The following EXO1 variants were observed in gnomAD, a reference collection of about 807,000 sequenced individuals.
EXO1 encodes the protein exonuclease 1.
Under a neutral mutation model 84.5 loss-of-function variants are expected in EXO1, and 69 were observed. The observed-to-expected ratio is 0.82, with a 90% CI of 0.67 to 1.00. The LOEUF is 1.00. EXO1 is among the 50% of genes least tolerant of loss of function. EXO1 has a pLI of 0.00. For synonymous variants in EXO1, 373 were observed against 366.1 expected, an observed-to-expected ratio of 1.02 and a Z score of -0.21; for missense variants, 1,045 against 1,000.7, an observed-to-expected ratio of 1.04 and a Z score of -0.60.
chr1:241,860,871 T>G (rs1340167694), intron 9 of EXO1, among the ~76,000 whole-genome samples, 167 bp downstream of exon 9: 1 of 152,206 alleles, frequency 6.6e-6, no homozygotes, highest in Non-Finnish European at 1.5e-5. Context: ...TAGTGAAAAT[T>G]GAGAACAACT....
chr1:241,883,380 G>A (rs1213778048), intron 14 of EXO1, among the ~76,000 whole-genome samples: 3 of 152,176 alleles, frequency 2.0e-5, no homozygotes, highest in Admixed American at 1.3e-4. Context: ...TTCCTGGTTT[G>A]CAGACAGATG....
At chr1:241,870,532 G>C (rs914462603) in intron 11 of EXO1, among the ~76,000 whole-genome samples, 2 of 152,194 alleles carry the variant, frequency 1.3e-5, no homozygotes, top group African/African-American at 4.8e-5. Context: ...TTTCAGTCCT[G>C]TGCTTTTATT....
chr1:241,855,207 G>C (rs1219405571), intron 6 of EXO1, among the ~76,000 whole-genome samples: 1 of 152,170 alleles, frequency 6.6e-6, no homozygotes, highest in African/African-American at 2.4e-5. Context: ...GTAGAACCGA[G>C]TGGTCTGTTT....
At position 241,885,380 on chromosome 1, in the gene EXO1, C is replaced by G; in HGVS notation, c.2278C>G (p.Pro760Ala). The G allele has an allele frequency of 1.2e-6, 2 of 1,613,786 alleles. No individual in the cohort carries two copies. The highest frequency in any genetic ancestry group is 1.7e-6 in the Non-Finnish European group (2 of 1,179,834). ...TACAACCAAGATCAAACCTCTAGGA[C>G]CTGCCAGAGCCAGTGGGCTGAGCAA... ...LSTTKIKPLG[P>A]ARASGLSKKP... The change falls in exon 15 of 16, where the codon CCT (proline) becomes GCT (alanine). Residue 760 changes from proline to alanine, a missense_variant. Transcript: ENST00000366548.
At chr1:241,878,421 C>CG (rs796209749) in intron 12 of EXO1, among the ~76,000 whole-genome samples, 1 of 149,836 alleles carries the variant, frequency 6.7e-6, no homozygotes, top group African/African-American at 2.5e-5. Context: ...TGCTTGAACC[C>CG]GGGGGGCGGA....
intron 12 of EXO1, among the ~76,000 whole-genome samples, chr1:241,875,481 G>A (rs1346859238): frequency 6.6e-6 from 1 of 152,214 alleles, no homozygotes; most frequent in Non-Finnish European, 1.5e-5. Context: ...ATGATTAAAT[G>A]ATAGTTTTGA....
At chr1:241,865,072 G>T (rs934710429) in intron 10 of EXO1, among the ~76,000 whole-genome samples, 2 of 150,210 alleles carry the variant, frequency 1.3e-5, no homozygotes, top group Admixed American at 6.6e-5. Context: ...GTCTCACTAT[G>T]TTGCCCAGGC....
intron 11 of EXO1, among the ~76,000 whole-genome samples, chr1:241,870,782 C>G (rs935638771): frequency 6.6e-6 from 1 of 152,162 alleles, no homozygotes; most frequent in East Asian, 1.9e-4. Flanking sequence ...TGTATGTCAT[C>G]TGGAAATTGA....
At chr1:241,877,428 C>T (rs750725358) in intron 12 of EXO1, among the ~76,000 whole-genome samples, 35 of 152,104 alleles carry the variant, frequency 2.3e-4, no homozygotes, top group Non-Finnish European at 4.1e-4. Context: ...TCTAGGAGCT[C>T]ATGTTTTCTG....
rs1327494491 is a variant in EXO1, at chr1:241,849,136, T to A, written c.-98T>A. 6.6e-6 allele frequency: 1 copy of A among 152,160 alleles called. No homozygotes were observed. 9.4% of individuals were successfully genotyped at this position (152,160 alleles called of 1,614,324 possible). A position where few individuals can be genotyped will look rare whatever the true frequency, so the allele number is the denominator to read the frequency against. ...GAACTAGTGAATCCCAGTCACTGAG[T>A]GGAGTTGAGAGTCTAAGAACCTCTG... On this transcript the variant is annotated 5_prime_UTR_variant, in exon 3 of 16. Transcript: ENST00000366548.
rs897376422 is a variant in EXO1 at position 241,885,427 on chromosome 1, G to T, written c.2325G>T (p.Lys775Asn). The T allele has an allele frequency of 3.1e-6, 5 of 1,613,794 alleles. No individual in the cohort carries two copies. The highest frequency in any genetic ancestry group is 3.3e-5 in the Admixed American group (2 of 59,994). Reference sequence around the variant, plus strand: ...GCAAGAAGCCGGCAAGCATCCAGAAGAGAAAGCATCATAATGCCGAGAACA... The same window carrying T: ...GCAAGAAGCCGGCAAGCATCCAGAATAGAAAGCATCATAATGCCGAGAACA... ...GLSKKPASIQ[K>N]RKHHNAENKP... The change falls in exon 15 of 16, where the codon AAG (lysine) becomes AAT (asparagine). Residue 775 changes from lysine (K) to asparagine (N), a missense_variant. By Grantham distance (94) the Lys-to-Asn change is moderately conservative. Transcript: ENST00000366548.
intron 12 of EXO1, among the ~76,000 whole-genome samples, chr1:241,876,308 G>T (rs1041354244): frequency 6.6e-6 from 1 of 152,176 alleles, no homozygotes; most frequent in Non-Finnish European, 1.5e-5. Flanking sequence ...ACTAGACAGG[G>T]TATAGGCTCA....
At chr1:241,859,325 G>A (rs1220633971) in intron 8 of EXO1, among the ~76,000 whole-genome samples, 1 of 152,062 alleles carries the variant, frequency 6.6e-6, no homozygotes, top group Non-Finnish European at 1.5e-5. Flanking sequence ...AGCTGTGTTC[G>A]TATACAAGTT....
intron 4 of EXO1, among the ~76,000 whole-genome samples, chr1:241,851,977 G>T (rs534813561): frequency 2.0e-5 from 3 of 152,032 alleles, no homozygotes; most frequent in Non-Finnish European, 4.4e-5. Flanking sequence ...AACATAAAAT[G>T]GGGGGGAAAG....
At chr1:241,881,728 C>G (rs547138821) in intron 13 of EXO1, among the ~76,000 whole-genome samples, 188 bp from the exon 14 acceptor site, 1 of 152,292 alleles carries the variant, frequency 6.6e-6, no homozygotes, top group Non-Finnish European at 1.5e-5. Context: ...ACCTCTCCAG[C>G]TGAAACATCT....
In EXO1 at chr1:241,885,489, A is replaced by G. The variant is rs1191710247; in HGVS notation, c.2387A>G (p.Lys796Arg). Residue 796 changes from lysine to arginine, a missense_variant, in exon 15 of 16, where the codon AAA (lysine) becomes AGA (arginine). Physicochemically the swap from Lys to Arg is conservative, Grantham distance 26. Transcript: ENST00000366548. ...GLQIKLNELW[K>R]NFGFKKDSEK... is the part of the protein sequence containing the mutation. ...CAGATCAAACTCAATGAGCTCTGGA[A>G]AAACTTTGGATTTAAAAAGTGAGTT... 1 of 1,613,404 alleles carries G rather than the reference A, an allele frequency of 6.2e-7. No homozygotes were observed. Among genetic ancestry groups the G allele is most frequent in the Non-Finnish European group, 8.5e-7 (1 of 1,179,442 alleles).
At chr1:241,885,566 A>G in intron 15 of EXO1, 59 bp downstream of exon 15, 1 of 1,287,424 alleles carries the variant, frequency 7.8e-7, no homozygotes, top group African/African-American at 1.5e-5. Context: ...TGTAATTTCC[A>G]TCCCTTTCTC....
intron 14 of EXO1, among the ~76,000 whole-genome samples, chr1:241,884,674 T>TGTGTGTGTGTGTGTGTGCAC (rs67560872): frequency 6.7e-6 from 1 of 149,582 alleles, no homozygotes; most frequent in African/African-American, 2.5e-5. Flanking sequence ...TGTGTGTGTG[T>TGTGTGTGTGTGTGTGTGCAC]GTGCACGTGC....
chr1:241,885,755 G>A (rs191694564), intron 15 of EXO1, among the ~76,000 whole-genome samples: 11 of 152,134 alleles, frequency 7.2e-5, no homozygotes, highest in African/African-American at 2.6e-4. Context: ...CTGATGTGAA[G>A]CAAATTGCTT....
Sources: gnomAD v4.1 joint callset for allele counts (sites outside exome capture counted in the v4.1 genomes callset) on GRCh38, gnomAD v4.1.1 for gene constraint, MANE v1.5 for transcripts, NCBI Gene and HGNC (gene_info 2026-07-23, HGNC 2026-07-21) for gene names.